The following COL26A1 variants were observed in gnomAD, a reference collection of about 807,000 sequenced individuals.
COL26A1 encodes the protein collagen alpha-1(XXVI) chain.
Under a neutral mutation model 59.3 loss-of-function variants are expected in COL26A1, and 41 were observed. That is an observed-to-expected ratio of 0.69 (90% CI 0.54 to 0.90). COL26A1 has a LOEUF of 0.90. COL26A1 is among the 40% of genes least tolerant of loss of function. The pLI, the probability that COL26A1 is intolerant of heterozygous loss-of-function variation, is 0.00. For missense variants in COL26A1, 612 were observed against 602.3 expected (o/e 1.02, Z -0.17); for synonymous variants, 266 against 256.0 (o/e 1.04, Z -0.37).
intron 3 of COL26A1, among the ~76,000 whole-genome samples, chr7:101,489,815 T>TC (rs1794390278): frequency 4.3e-4 from 2 of 4,666 alleles, no homozygotes; most frequent in Admixed American, 4.1e-3. Flanking sequence ...TCTTTCTTTC[T>TC]TTCTTTCTTT....
At chr7:101,374,074 G>A (rs962226411) in intron 1 of COL26A1, among the ~76,000 whole-genome samples, 2 of 152,254 alleles carry the variant, frequency 1.3e-5, no homozygotes, top group Non-Finnish European at 1.5e-5. Flanking sequence ...AAAGTGCTCC[G>A]GGAATTCTGC....
At chr7:101,515,853 T>G (rs1343992510) in intron 3 of COL26A1, among the ~76,000 whole-genome samples, 1 of 152,198 alleles carries the variant, frequency 6.6e-6, no homozygotes, top group Non-Finnish European at 1.5e-5. Context: ...CCTCCCAAAG[T>G]GCTGGGATTA....
At chr7:101,449,712 CAT>C (rs1330092217) in intron 3 of COL26A1, among the ~76,000 whole-genome samples, 2 of 152,162 alleles carry the variant, frequency 1.3e-5, no homozygotes, top group Admixed American at 6.5e-5. Flanking sequence ...TACACACACA[CAT>C]GTATTTGTAG....
chr7:101,477,053 A>G (rs1168569211), intron 3 of COL26A1, among the ~76,000 whole-genome samples: 1 of 152,006 alleles, frequency 6.6e-6, no homozygotes, highest in Non-Finnish European at 1.5e-5. Flanking sequence ...CATGTTGGCC[A>G]GGCTGGTCTT....
intron 1 of COL26A1, among the ~76,000 whole-genome samples, chr7:101,383,922 G>A (rs896807041): frequency 3.9e-5 from 6 of 152,224 alleles, no homozygotes; most frequent in African/African-American, 9.6e-5. Context: ...TGCCCACCTC[G>A]GCCTCCCAAA....
At chr7:101,419,411 C>G (rs1792456296) in intron 1 of COL26A1, among the ~76,000 whole-genome samples, 1 of 152,112 alleles carries the variant, frequency 6.6e-6, no homozygotes, top group African/African-American at 2.4e-5. Flanking sequence ...TGTGCCTGGC[C>G]TGGCCACTTC....
Position 101,557,848 on chromosome 7 carries a change from C to A in COL26A1, c.*318C>A, listed in dbSNP as rs1409701494. 4 of 258,288 alleles carry A rather than the reference C, an allele frequency of 1.5e-5. No individual in the cohort carries two copies. Among genetic ancestry groups the A allele is most frequent in the Non-Finnish European group, 2.2e-5 (3 of 136,162 alleles). The allele number at this position is 258,288 out of a possible 1,614,324, so 16.0% of individuals were successfully genotyped here. ...TTTATTGAGTCCCTGCTGTAACTGG[C>A]CCTGTCCAGGGAACTTTCGTTACGT... On this transcript the variant is annotated 3_prime_UTR_variant, in exon 13 of 13. Coordinates refer to ENST00000313669, the MANE Select transcript of COL26A1 (RefSeq NM_001278563.3).
chr7:101,466,796 GT>G (rs1328279392), intron 3 of COL26A1, among the ~76,000 whole-genome samples: 7 of 7,864 alleles, frequency 8.9e-4, no homozygotes, highest in African/African-American at 8.5e-4. Context: ...GCATGTTCTG[GT>G]GTGTGTGTGT....
At chr7:101,377,168 T>G (rs979744047) in intron 1 of COL26A1, among the ~76,000 whole-genome samples, 6 of 151,080 alleles carry the variant, frequency 4.0e-5, no homozygotes, top group Non-Finnish European at 7.4e-5. Flanking sequence ...CTTCTTTTCT[T>G]TTTTCTTTTT....
intron 1 of COL26A1, among the ~76,000 whole-genome samples, chr7:101,382,490 C>T (rs1160592069): frequency 1.3e-5 from 2 of 152,108 alleles, no homozygotes; most frequent in Non-Finnish European, 2.9e-5. Flanking sequence ...ATGCATGATC[C>T]TTTTTCTGAA....
chr7:101,387,204 G>C (rs1791598418), intron 1 of COL26A1, among the ~76,000 whole-genome samples: 1 of 151,970 alleles, frequency 6.6e-6, no homozygotes, highest in Non-Finnish European at 1.5e-5. Context: ...ACCCGAAACC[G>C]GCACGAGATG....
chr7:101,404,573 A>G (rs1405660181), intron 1 of COL26A1, among the ~76,000 whole-genome samples: 2 of 152,208 alleles, frequency 1.3e-5, no homozygotes, highest in Admixed American at 6.5e-5. Flanking sequence ...GTGGACTGCA[A>G]ACTTCTAAGC....
chr7:101,487,283 C>T (rs566815323), intron 3 of COL26A1, among the ~76,000 whole-genome samples: 1 of 152,174 alleles, frequency 6.6e-6, no homozygotes, highest in South Asian at 2.1e-4. Context: ...TGGGGCTAAC[C>T]AGGCCGGGAC....
intron 1 of COL26A1, among the ~76,000 whole-genome samples, chr7:101,400,291 G>C (rs1290246123): frequency 2.6e-5 from 4 of 152,008 alleles, no homozygotes; most frequent in African/African-American, 7.2e-5. Flanking sequence ...TGGTGGGCTC[G>C]GTCATGGAGT....
chr7:101,378,659 T>G (rs554113663), intron 1 of COL26A1, among the ~76,000 whole-genome samples: 1 of 152,184 alleles, frequency 6.6e-6, no homozygotes, highest in African/African-American at 2.4e-5. Flanking sequence ...ACATTTGCTC[T>G]GCATGTGTGT....
chr7:101,501,176 A>G (rs1446592188), intron 3 of COL26A1, among the ~76,000 whole-genome samples: 4 of 134,192 alleles, frequency 3.0e-5, no homozygotes, highest in African/African-American at 1.2e-4. Flanking sequence ...ACAGGGCGAG[A>G]CTCCGTCTCA....
At chr7:101,508,358 C>T (rs1357106797) in intron 3 of COL26A1, among the ~76,000 whole-genome samples, 1 of 151,926 alleles carries the variant, frequency 6.6e-6, no homozygotes, top group East Asian at 1.9e-4. Flanking sequence ...CCCATCTCTA[C>T]AAAAAATAGA....
At chr7:101,375,059 TA>T (rs34296131) in intron 1 of COL26A1, among the ~76,000 whole-genome samples, 4 of 150,162 alleles carry the variant, frequency 2.7e-5, no homozygotes, top group Non-Finnish European at 5.9e-5. Context: ...GACTCCATCT[TA>T]AAAAAAAATT....
intron 3 of COL26A1, among the ~76,000 whole-genome samples, chr7:101,474,702 C>T (rs1793991599): frequency 2.0e-5 from 3 of 152,294 alleles, no homozygotes; most frequent in Admixed American, 1.3e-4. Flanking sequence ...TATTCTCATC[C>T]ATTGCTAAGT....
Sources: allele counts gnomAD v4.1 joint callset (sites outside exome capture counted in the v4.1 genomes callset), GRCh38; gene constraint gnomAD v4.1.1; transcripts MANE v1.5; gene names NCBI Gene and HGNC (gene_info 2026-07-23, HGNC 2026-07-21).